Variants in ELAPOR2 observed in about 807,000 individuals in gnomAD.
The protein encoded by ELAPOR2 is endosome/lysosome-associated apoptosis and autophagy regulator family member 2.
In ELAPOR2, 89 loss-of-function variants were observed where a neutral mutation model predicts 120.7. The observed-to-expected ratio is 0.74, with a 90% CI of 0.62 to 0.88. ELAPOR2 has a LOEUF of 0.88. Among genes scored for constraint, ELAPOR2 ranks in the 40% least tolerant of loss-of-function variants. The pLI is 0.00. For missense variants in ELAPOR2, 1,134 were observed against 1,251.6 expected (o/e 0.91, Z 1.42); for synonymous variants, 444 against 444.9 (o/e 1.00, Z 0.03).
chr7:87,046,983 A>G (rs1443386764), intron 1 of ELAPOR2, among the ~76,000 whole-genome samples: 1 of 152,254 alleles, frequency 6.6e-6, no homozygotes, highest in Admixed American at 6.5e-5. Flanking sequence ...TGTCATAAAA[A>G]CAGACACATA....
rs533172595 is a variant in ELAPOR2 at position 86,891,013 on chromosome 7, T to C, written c.3030+711A>G. 5.3e-5 allele frequency among the ~76,000 whole-genome samples: 8 copies of C among 152,184 alleles called. 1 individual carries two copies. Among genetic ancestry groups the C allele is most frequent in the South Asian group, 4.1e-4 (2 of 4,832 alleles). ...GATAATTTCTCATCTTTTAAGTCAATGGTGAAAAATATCAAATAAAATGTC... is the reference window on the plus strand; with the variant it reads ...GATAATTTCTCATCTTTTAAGTCAACGGTGAAAAATATCAAATAAAATGTC... On this transcript the variant is annotated intron_variant, in intron 21 of 21. Coordinates refer to ENST00000450689, the MANE Select transcript of ELAPOR2 (RefSeq NM_001142749.3).
intron 1 of ELAPOR2, among the ~76,000 whole-genome samples, chr7:87,000,229 G>A (rs1231882063): frequency 2.0e-5 from 3 of 152,164 alleles, no homozygotes; most frequent in Non-Finnish European, 2.9e-5. Context: ...TGCAAATTAA[G>A]CCATAAGGCA....
intron 1 of ELAPOR2, among the ~76,000 whole-genome samples, chr7:87,028,102 A>G (rs922487758): frequency 6.6e-6 from 1 of 152,104 alleles, no homozygotes; most frequent in African/African-American, 2.4e-5. Flanking sequence ...CCAAGTAACT[A>G]TTTTCACTTC....
intron 1 of ELAPOR2, among the ~76,000 whole-genome samples, chr7:87,050,411 C>A (rs1182504899): frequency 2.0e-5 from 3 of 152,020 alleles, no homozygotes; most frequent in Non-Finnish European, 4.4e-5. Context: ...GTGGTACCTG[C>A]CCCTCCACTC....
At chr7:86,906,153 T>C (rs752742967) in intron 18 of ELAPOR2, among the ~76,000 whole-genome samples, 2 of 152,120 alleles carry the variant, frequency 1.3e-5, no homozygotes, top group Non-Finnish European at 2.9e-5. Flanking sequence ...AGATGTGCTG[T>C]AGTAAATAGA....
At position 86,903,352 on chromosome 7, in the gene ELAPOR2, C is replaced by T. The variant is rs572740824; in HGVS notation, c.2558+4318G>A. Among the ~76,000 whole-genome samples the T allele has an allele frequency of 8.3e-4, 126 of 152,166 alleles. No individual in the cohort carries two copies. In the Middle Eastern group the frequency reaches 0.014, roughly 16 times the overall value. On this transcript the variant is annotated intron_variant, in intron 18 of 21. Coordinates refer to ENST00000450689, the MANE Select transcript of ELAPOR2 (RefSeq NM_001142749.3). ...ATATGCCTTTTTACTTTTTAATATT[C>T]TAAGAACGTATTTGGTTTTGGTCTT... is the stretch of plus-strand genomic sequence containing the variant.
At position 86,922,538 on chromosome 7, in the gene ELAPOR2, C is replaced by T. The variant is rs1469432858; in HGVS notation, c.1399+2990G>A. 2.6e-5 allele frequency among the ~76,000 whole-genome samples: 4 copies of T among 151,766 alleles called. 1 individual carries two copies. The highest frequency in any genetic ancestry group is 4.1e-4 in the South Asian group (2 of 4,820). ...TTCTTTCAACGCATACATGTTTTTA[C>T]ATCACTGAGCTTTTATTATAGATAA... On this transcript the variant is annotated intron_variant, in intron 10 of 21. Transcript: ENST00000450689.
intron 8 of ELAPOR2, 102 bp from the exon 9 acceptor site, chr7:86,927,018 T>C (rs926057194): frequency 3.0e-5 from 32 of 1,052,734 alleles, no homozygotes; most frequent in African/African-American, 1.8e-4. Context: ...GGTGACAGAA[T>C]AGAAGGGCCA....
At chr7:87,013,442 T>G (rs1793760745) in intron 1 of ELAPOR2, among the ~76,000 whole-genome samples, 1 of 152,214 alleles carries the variant, frequency 6.6e-6, no homozygotes. Context: ...TTTCTGATTA[T>G]TTTTAAAATG....
intron 1 of ELAPOR2, among the ~76,000 whole-genome samples, chr7:87,042,293 G>A (rs1340406007): frequency 6.0e-5 from 9 of 150,020 alleles, no homozygotes; most frequent in Non-Finnish European, 1.2e-4. Context: ...TCCACCCCAA[G>A]TCAACAGAAT....
chr7:86,985,055 A>G (rs1329527427), intron 1 of ELAPOR2, among the ~76,000 whole-genome samples: 1 of 152,092 alleles, frequency 6.6e-6, no homozygotes, highest in Non-Finnish European at 1.5e-5. Flanking sequence ...TATTATAAAC[A>G]CCTGTACACA....
chr7:86,957,102 T>C (rs1156988437), intron 2 of ELAPOR2, among the ~76,000 whole-genome samples: 2 of 152,294 alleles, frequency 1.3e-5, no homozygotes, highest in South Asian at 2.1e-4. Flanking sequence ...TAAAGTCTGA[T>C]TTTCAGCTTT....
intron 1 of ELAPOR2, among the ~76,000 whole-genome samples, chr7:87,018,449 C>T (rs921841580): frequency 3.9e-5 from 6 of 152,216 alleles, no homozygotes; most frequent in East Asian, 1.9e-4. Flanking sequence ...AATATTTTGC[C>T]TATTTATAAT....
intron 1 of ELAPOR2, among the ~76,000 whole-genome samples, chr7:87,026,247 G>C (rs768869015): frequency 3.9e-5 from 6 of 151,988 alleles, no homozygotes; most frequent in Non-Finnish European, 7.4e-5. Context: ...GTGAAGCCTG[G>C]ACATAAACCT....
chr7:86,959,154 A>C (rs533748166), intron 2 of ELAPOR2, among the ~76,000 whole-genome samples: 38 of 152,198 alleles, frequency 2.5e-4, no homozygotes, highest in Non-Finnish European at 4.8e-4. Context: ...GCAACTGTTT[A>C]AAGTTTATTT....
intron 8 of ELAPOR2, among the ~76,000 whole-genome samples, chr7:86,930,629 C>T (rs980035398): frequency 6.6e-6 from 1 of 151,926 alleles, no homozygotes; most frequent in African/African-American, 2.4e-5. Flanking sequence ...ATCCGCAGTT[C>T]ACCTCTTCAG....
In ELAPOR2 at chr7:86,878,066, G is replaced by T. The variant is rs909411474; in HGVS notation, c.*2405C>A. On this transcript the variant is annotated 3_prime_UTR_variant, in exon 22 of 22. Coordinates refer to ENST00000450689, the MANE Select transcript of ELAPOR2 (RefSeq NM_001142749.3). ...CAGTTGACTTAATGAAGTAGTTAAG[G>T]CTTCAAAATTGTGCCTTTTAGAAAA... The T allele has an allele frequency of 1.3e-5, 2 of 152,142 alleles. No homozygotes were observed. The highest frequency in any genetic ancestry group is 2.9e-5 in the Non-Finnish European group (2 of 68,006). The allele number at this position is 152,142 out of a possible 1,614,324, so 9.4% of individuals were successfully genotyped here.
rs757987924 is a variant in ELAPOR2, at chr7:86,907,656, G to A, written c.2558+14C>T. On this transcript the variant is annotated intron_variant, in intron 18 of 21. Coordinates refer to ENST00000450689, the MANE Select transcript of ELAPOR2 (RefSeq NM_001142749.3). ...TCCTCATGGTAAACACAAATCATATGGAAATAAGGATACCTGGGGACTGAA... is the reference window on the plus strand; with the variant it reads ...TCCTCATGGTAAACACAAATCATATAGAAATAAGGATACCTGGGGACTGAA... 9 of 1,492,782 alleles carry A rather than the reference G, an allele frequency of 6.0e-6. No individual in the cohort carries two copies. In the Admixed American group the frequency reaches 1.3e-4, roughly 22 times the overall value. 92.5% of individuals were successfully genotyped at this position (1,492,782 alleles called of 1,614,324 possible).
chr7:87,009,554 A>T (rs181699875), intron 1 of ELAPOR2, among the ~76,000 whole-genome samples: 1 of 152,330 alleles, frequency 6.6e-6, no homozygotes, highest in Admixed American at 6.5e-5. Flanking sequence ...GGAGTACCCC[A>T]GTGTTTTGGG....
Sources: allele counts gnomAD v4.1 joint callset (sites outside exome capture counted in the v4.1 genomes callset), GRCh38; gene constraint gnomAD v4.1.1; transcripts MANE v1.5; gene names NCBI Gene and HGNC (gene_info 2026-07-23, HGNC 2026-07-21).